STK17A: variants seen among roughly 807,000 people sequenced by gnomAD.
The protein encoded by STK17A is serine/threonine-protein kinase 17A.
A neutral mutation model predicts 43.7 loss-of-function variants in STK17A; 26 were observed. The ratio of observed to expected loss-of-function variants is 0.60; its 90% CI spans 0.44 to 0.83. STK17A has a LOEUF of 0.83. Ranked by LOEUF, STK17A falls within the 40% of genes least tolerant of loss-of-function variation. STK17A has a pLI of 0.00. For missense variants in STK17A, 476 were observed against 511.6 expected, an observed-to-expected ratio of 0.93 and a Z score of 0.67; for synonymous variants, 191 against 182.5, an observed-to-expected ratio of 1.05 and a Z score of -0.38.
chr7:43,602,208 T>A (rs2082560778), intron 2 of STK17A, among the ~76,000 whole-genome samples: 1 of 152,132 alleles, frequency 6.6e-6, no homozygotes, highest in Admixed American at 6.5e-5. Context: ...TAACCTCTTC[T>A]AGAGTTTCAG....
intron 1 of STK17A, among the ~76,000 whole-genome samples, chr7:43,595,077 T>G (rs2152971044): frequency 6.6e-6 from 1 of 152,188 alleles, no homozygotes; most frequent in South Asian, 2.1e-4. Context: ...AATAGTAATG[T>G]ATCAATATAA....
intron 1 of STK17A, among the ~76,000 whole-genome samples, chr7:43,585,064 G>C (rs1388421101): frequency 1.3e-5 from 2 of 152,126 alleles, no homozygotes; most frequent in Non-Finnish European, 2.9e-5. Context: ...GGGCCTGGTG[G>C]TGGGCGCCTG....
At chr7:43,610,647 A>G (rs1038699506) in intron 3 of STK17A, among the ~76,000 whole-genome samples, 9 of 152,162 alleles carry the variant, frequency 5.9e-5, no homozygotes, top group African/African-American at 2.2e-4. Flanking sequence ...AGCCTAGGCA[A>G]CAGAGCGAGA....
At chr7:43,615,435 C>G (rs2083257554) in intron 3 of STK17A, among the ~76,000 whole-genome samples, 1 of 152,156 alleles carries the variant, frequency 6.6e-6, no homozygotes, top group Admixed American at 6.5e-5. Flanking sequence ...CCTCGGCCTC[C>G]CAAATTGCTG....
intron 3 of STK17A, chr7:43,608,629 T>C (rs559691464): frequency 5.6e-5 from 21 of 371,992 alleles, no homozygotes; most frequent in Non-Finnish European, 8.5e-5. Context: ...AGAAAGGAAC[T>C]CAAAATATGA....
chr7:43,595,165 C>G (rs895220344), intron 1 of STK17A, among the ~76,000 whole-genome samples: 1 of 151,852 alleles, frequency 6.6e-6, no homozygotes, highest in Non-Finnish European at 1.5e-5. Flanking sequence ...GAGTGAGATC[C>G]TTACCTTTAG....
At position 43,583,266 on chromosome 7, in the gene STK17A, G is replaced by A. The variant is rs746329668; in HGVS notation, c.23G>A (p.Gly8Asp). The change falls in exon 1 of 7, where the codon GGC becomes GAC. Residue 8 changes from glycine to aspartate, a missense_variant. By Grantham distance (94) the Gly-to-Asp change is moderately conservative (BLOSUM62 -1). Around this residue, in one of 3 missense-constraint regions of STK17A, gnomAD observed 320 missense variants for 326.3 expected, o/e 0.98. Transcript: ENST00000319357. ...ACCATGATCCCTTTGGAGAAGCCAGGCAGCGGCGGCTCCTCCCCAGGCGCC... is the reference window on the plus strand; with the variant it reads ...ACCATGATCCCTTTGGAGAAGCCAGACAGCGGCGGCTCCTCCCCAGGCGCC... MIPLEKP[G>D]SGGSSPGATS... The A allele has an allele frequency of 3.9e-6, 6 of 1,545,928 alleles. No individual in the cohort carries two copies. The highest frequency in any genetic ancestry group is 5.2e-6 in the Non-Finnish European group (6 of 1,148,782).
At chr7:43,590,417 T>C (rs2082472452) in intron 1 of STK17A, among the ~76,000 whole-genome samples, 1 of 151,320 alleles carries the variant, frequency 6.6e-6, no homozygotes, top group Admixed American at 6.6e-5. Flanking sequence ...CTCGGACTGG[T>C]GGGTCTCAAT....
At chr7:43,618,735 C>T (rs551992108) in intron 3 of STK17A, among the ~76,000 whole-genome samples, 1 of 152,116 alleles carries the variant, frequency 6.6e-6, no homozygotes, top group Admixed American at 6.5e-5. Flanking sequence ...AAAATGACTC[C>T]ATGGATATGA....
chr7:43,607,783 A>G (rs1401580046), intron 2 of STK17A, among the ~76,000 whole-genome samples: 2 of 152,228 alleles, frequency 1.3e-5, no homozygotes, highest in South Asian at 2.1e-4. Context: ...TCAGATGACA[A>G]TAAACTGTGA....
chr7:43,586,112 C>A (rs576294132), intron 1 of STK17A, among the ~76,000 whole-genome samples: 1 of 151,700 alleles, frequency 6.6e-6, no homozygotes, highest in South Asian at 2.1e-4. Context: ...ACTAATTAAT[C>A]TCACGCTGAT....
At chr7:43,585,026 G>A (rs946175514) in intron 1 of STK17A, among the ~76,000 whole-genome samples, 1 of 152,034 alleles carries the variant, frequency 6.6e-6, no homozygotes, top group Admixed American at 6.6e-5. Flanking sequence ...GTGAAACCCC[G>A]TCTGTACCAA....
At chr7:43,591,602 T>C (rs1213862277) in intron 1 of STK17A, among the ~76,000 whole-genome samples, 2 of 151,548 alleles carry the variant, frequency 1.3e-5, no homozygotes, top group South Asian at 2.1e-4. Flanking sequence ...AGTGTAGTCA[T>C]TGATATGAAA....
chr7:43,622,743 C>G (rs982005385), intron 4 of STK17A: 1 of 151,760 alleles, frequency 6.6e-6, no homozygotes, highest in Non-Finnish European at 1.5e-5. Context: ...CCCTATCACC[C>G]AGGCTGGAGT....
At position 43,626,982 on chromosome 7, in the gene STK17A, A is replaced by G. The variant is rs961112418; in HGVS notation, c.*2140A>G. 6.6e-6 allele frequency among the ~76,000 whole-genome samples: 1 copy of G among 152,184 alleles called. No individual in the cohort carries two copies. The highest frequency in any genetic ancestry group is 6.5e-5 in the Admixed American group (1 of 15,274). ...ACAGGGCATGAAGAGCCTTCATAGT[A>G]TTAGGCCAAATAAAATCTATTAATA... is the stretch of plus-strand genomic sequence containing the variant. On this transcript the variant is annotated 3_prime_UTR_variant, in exon 7 of 7. Transcript: ENST00000319357.
intron 1 of STK17A, 64 bp downstream of exon 1, chr7:43,583,513 A>G (rs925835039): frequency 5.8e-6 from 7 of 1,215,796 alleles, no homozygotes; most frequent in Admixed American, 4.3e-5. Flanking sequence ...GTGGGCGCCG[A>G]TAAGTGCCGG....
At chr7:43,619,419 A>G (rs1422892155) in intron 3 of STK17A, among the ~76,000 whole-genome samples, 178 bp from the exon 4 acceptor site, 1 of 152,200 alleles carries the variant, frequency 6.6e-6, no homozygotes, top group Non-Finnish European at 1.5e-5. Context: ...ACAAGAGAGT[A>G]CAGGCCTGCT....
chr7:43,625,693 G>A lies in STK17A; in HGVS notation c.*851G>A, dbSNP rs1341861265. ...ATCTGATCAACACTCTGGTTACCTTGGTCAGTGAAAAGATGCTACTATATT... is the reference window on the plus strand; with the variant it reads ...ATCTGATCAACACTCTGGTTACCTTAGTCAGTGAAAAGATGCTACTATATT... On this transcript the variant is annotated 3_prime_UTR_variant, in exon 7 of 7. Coordinates refer to ENST00000319357, the MANE Select transcript of STK17A (RefSeq NM_004760.3). The A allele has an allele frequency of 6.6e-6, 1 of 151,836 alleles. No homozygotes were observed. Among genetic ancestry groups the A allele is most frequent in the Non-Finnish European group, 1.5e-5 (1 of 67,986 alleles). 9.4% of individuals were successfully genotyped at this position (151,836 alleles called of 1,614,324 possible). A position where few individuals can be genotyped will look rare whatever the true frequency, so the allele number is the denominator to read the frequency against.
chr7:43,591,529 T>A (rs10266391), intron 1 of STK17A, among the ~76,000 whole-genome samples: 36,761 of 151,084 alleles, frequency 0.24, 6,185 homozygotes, highest in Non-Finnish European at 0.31. Flanking sequence ...ACAGGATATG[T>A]TGGAAAGAAA....
Sources: allele counts gnomAD v4.1 joint callset (sites outside exome capture counted in the v4.1 genomes callset), GRCh38; gene constraint gnomAD v4.1.1; regional missense constraint gnomAD v4.1.1; transcripts MANE v1.5; gene names NCBI Gene and HGNC (gene_info 2026-07-23, HGNC 2026-07-21).